The following CTNNA3 variants were observed in gnomAD, a reference collection of about 807,000 sequenced individuals.
CTNNA3 encodes catenin alpha-3.
A neutral mutation model predicts 95.7 loss-of-function variants in CTNNA3; 76 were observed. That is an observed-to-expected ratio of 0.79 (90% CI 0.66 to 0.96). CTNNA3 has a LOEUF of 0.96. Among genes scored for constraint, CTNNA3 ranks in the 40% least tolerant of loss-of-function variants. CTNNA3 has a pLI of 0.00. For synonymous variants in CTNNA3, 431 were observed against 374.4 expected, an observed-to-expected ratio of 1.15 and a Z score of -1.74; for missense variants, 1,191 against 1,089.8, an observed-to-expected ratio of 1.09 and a Z score of -1.31.
chr10:66,948,840 A>G (rs1848399398), intron 7 of CTNNA3, among the ~76,000 whole-genome samples: 1 of 152,218 alleles, frequency 6.6e-6, no homozygotes. Flanking sequence ...AAGCAGTCCA[A>G]TATAATACTT....
At chr10:66,528,296 C>T (rs1841340196) in intron 10 of CTNNA3, among the ~76,000 whole-genome samples, 1 of 152,100 alleles carries the variant, frequency 6.6e-6, no homozygotes. Flanking sequence ...ATGGCCAAGA[C>T]CTCAACATGC....
At chr10:66,075,341 A>G (rs1227864224) in intron 14 of CTNNA3, among the ~76,000 whole-genome samples, 1 of 151,802 alleles carries the variant, frequency 6.6e-6, no homozygotes, top group Admixed American at 6.6e-5. Context: ...TTCAAATTCC[A>G]CTTTGGCCAA....
intron 5 of CTNNA3, among the ~76,000 whole-genome samples, chr10:67,274,233 G>C (rs1030943627): frequency 6.6e-6 from 1 of 151,942 alleles, no homozygotes. Flanking sequence ...CAAAAGAAAT[G>C]GAAGAAGAGT....
chr10:67,589,809 A>G (rs1451442357), intron 3 of CTNNA3, among the ~76,000 whole-genome samples: 2 of 152,188 alleles, frequency 1.3e-5, no homozygotes, highest in East Asian at 1.9e-4. Context: ...CCACCTTTCA[A>G]GTAAATTTCA....
chr10:67,488,042 T>C (rs1488544320), intron 5 of CTNNA3, among the ~76,000 whole-genome samples: 1 of 152,144 alleles, frequency 6.6e-6, no homozygotes, highest in Non-Finnish European at 1.5e-5. Flanking sequence ...CATCTAAGTA[T>C]GTTTGTGAGG....
chr10:65,920,197 C>T lies in CTNNA3; in HGVS notation c.*133G>A, dbSNP rs775840667. The T allele has an allele frequency of 1.0e-4, 76 of 737,008 alleles. No homozygotes were observed. The highest frequency in any genetic ancestry group is 1.5e-4 in the Non-Finnish European group (66 of 446,350). 45.7% of individuals were successfully genotyped at this position (737,008 alleles called of 1,614,324 possible). On this transcript the variant is annotated 3_prime_UTR_variant, in exon 18 of 18. Coordinates refer to ENST00000433211, the MANE Select transcript of CTNNA3 (RefSeq NM_013266.4). Reference sequence around the variant, plus strand: ...ATATATATTGCTTTTGTTGATTTAGCGCCCAATATTTTATGTTATTTGTGA... The same window carrying T: ...ATATATATTGCTTTTGTTGATTTAGTGCCCAATATTTTATGTTATTTGTGA...
intron 5 of CTNNA3, among the ~76,000 whole-genome samples, chr10:67,289,522 G>A (rs141448096): frequency 1.5e-4 from 23 of 152,206 alleles, no homozygotes; most frequent in African/African-American, 4.3e-4. Context: ...AAGGGAAGCC[G>A]TTAATCAAAC....
chr10:66,692,699 G>A (rs929670220), intron 9 of CTNNA3, among the ~76,000 whole-genome samples: 1 of 152,086 alleles, frequency 6.6e-6, no homozygotes, highest in African/African-American at 2.4e-5. Flanking sequence ...AAAATGTTAA[G>A]GGCAGCCAGA....
chr10:66,136,157 CT>C (rs2083335707), intron 13 of CTNNA3, among the ~76,000 whole-genome samples: 1 of 152,154 alleles, frequency 6.6e-6, no homozygotes. Context: ...CCTTCTCGGC[CT>C]TCCAAAGTGC....
intron 7 of CTNNA3, among the ~76,000 whole-genome samples, chr10:66,941,286 A>G (rs1847979606): frequency 6.6e-6 from 1 of 152,228 alleles, no homozygotes; most frequent in East Asian, 1.9e-4. Flanking sequence ...CCTGAACACA[A>G]TTTGACTCAC....
chr10:67,702,289 A>G (rs1841045863), intron 1 of CTNNA3, among the ~76,000 whole-genome samples: 1 of 152,172 alleles, frequency 6.6e-6, no homozygotes, highest in African/African-American at 2.4e-5. Context: ...ATAGACATCT[A>G]CAGAACTCTC....
intron 5 of CTNNA3, among the ~76,000 whole-genome samples, chr10:67,503,536 A>G (rs1428704164): frequency 6.6e-6 from 1 of 152,206 alleles, no homozygotes; most frequent in African/African-American, 2.4e-5. Flanking sequence ...CTTAAAAATA[A>G]TATTTGTAGT....
intron 5 of CTNNA3, among the ~76,000 whole-genome samples, chr10:67,369,014 C>T (rs921996118): frequency 2.0e-5 from 3 of 152,148 alleles, no homozygotes; most frequent in African/African-American, 7.2e-5. Flanking sequence ...TGTATGCACT[C>T]TACTTTAGGG....
intron 11 of CTNNA3, among the ~76,000 whole-genome samples, chr10:66,486,972 CACTT>C (rs1839750842): frequency 1.3e-5 from 2 of 152,034 alleles, no homozygotes; most frequent in South Asian, 4.1e-4. Context: ...TGTATGATCT[CACTT>C]ATACATGGAA....
intron 5 of CTNNA3, among the ~76,000 whole-genome samples, chr10:67,374,413 TA>T (rs1193543320): frequency 2.3e-5 from 1 of 43,332 alleles, no homozygotes. Flanking sequence ...TCTTTCAAAA[TA>T]AAAAAATTGG....
intron 17 of CTNNA3, among the ~76,000 whole-genome samples, chr10:65,946,271 A>G (rs2133193718): frequency 6.6e-6 from 1 of 152,330 alleles, no homozygotes; most frequent in East Asian, 1.9e-4. Flanking sequence ...AGGCATATGC[A>G]TATATTACAT....
intron 5 of CTNNA3, among the ~76,000 whole-genome samples, chr10:67,462,232 C>A (rs1321441546): frequency 6.6e-6 from 1 of 152,140 alleles, no homozygotes; most frequent in Non-Finnish European, 1.5e-5. Flanking sequence ...CTATTTCCAG[C>A]ACTGAACTCA....
chr10:66,279,776 T>A (rs1312189823), intron 13 of CTNNA3, among the ~76,000 whole-genome samples: 1 of 152,074 alleles, frequency 6.6e-6, no homozygotes, highest in African/African-American at 2.4e-5. Flanking sequence ...TGAATCCACT[T>A]AAGGTATCTC....
At chr10:66,517,099 G>A (rs941340409) in intron 11 of CTNNA3, among the ~76,000 whole-genome samples, 6 of 152,098 alleles carry the variant, frequency 3.9e-5, no homozygotes, top group Non-Finnish European at 8.8e-5. Flanking sequence ...GCACATGCCT[G>A]TAATCCCAGC....
Sources: gnomAD v4.1 joint callset for allele counts (sites outside exome capture counted in the v4.1 genomes callset) on GRCh38, gnomAD v4.1.1 for gene constraint, MANE v1.5 for transcripts, NCBI Gene and HGNC (gene_info 2026-07-23, HGNC 2026-07-21) for gene names.